Variants in KLHL1 observed in about 807,000 individuals in gnomAD.
The protein encoded by KLHL1 is kelch-like protein 1.
Under a neutral mutation model 77.7 loss-of-function variants are expected in KLHL1, and 47 were observed. The observed-to-expected ratio is 0.60, with a 90% CI of 0.48 to 0.77. KLHL1 has a LOEUF of 0.77. Ranked by LOEUF, KLHL1 falls within the 30% of genes least tolerant of loss-of-function variation. KLHL1 has a pLI of 0.00. For missense variants in KLHL1, 925 were observed against 910.8 expected, an observed-to-expected ratio of 1.02 and a Z score of -0.20; for synonymous variants, 360 against 325.2, an observed-to-expected ratio of 1.11 and a Z score of -1.15.
At chr13:69,931,477 T>G (rs1169310240) in intron 4 of KLHL1, among the ~76,000 whole-genome samples, 1 of 151,784 alleles carries the variant, frequency 6.6e-6, no homozygotes, top group Non-Finnish European at 1.5e-5. Flanking sequence ...AGTACATTGG[T>G]CTGGCTTTGA....
chr13:69,960,802 A>C (rs11619211), intron 3 of KLHL1, among the ~76,000 whole-genome samples: 13,965 of 152,024 alleles, frequency 0.092, 897 homozygotes, highest in Middle Eastern at 0.15. Flanking sequence ...TCAACATAGT[A>C]GATCAGAAAA....
intron 4 of KLHL1, among the ~76,000 whole-genome samples, chr13:69,923,465 C>A (rs74092663): frequency 0.057 from 8,647 of 152,166 alleles, 319 homozygotes; most frequent in African/African-American, 0.092. Context: ...CAGAATACTA[C>A]AGAGTGTCTA....
intron 6 of KLHL1, among the ~76,000 whole-genome samples, chr13:69,837,648 ATATATATATGTGTGTGTG>A (rs1566309013): frequency 1.5e-4 from 20 of 132,084 alleles, no homozygotes; most frequent in African/African-American, 5.5e-4. Flanking sequence ...ATATATGTGT[ATATATATATGTGTGTGTG>A]TGTGTATATA....
intron 5 of KLHL1, among the ~76,000 whole-genome samples, chr13:69,845,474 A>G (rs1384196065): frequency 6.6e-6 from 1 of 151,658 alleles, no homozygotes; most frequent in Non-Finnish European, 1.5e-5. Context: ...TATGCAAAAA[A>G]TTTAGCAGAA....
chr13:70,107,699 TG>T lies in KLHL1; in HGVS notation c.-1del. The T allele has an allele frequency of 6.6e-7, 1 of 1,519,856 alleles. No homozygotes were observed. Among genetic ancestry groups the T allele is most frequent in the Non-Finnish European group, 8.8e-7 (1 of 1,138,680 alleles). 94.1% of individuals were successfully genotyped at this position (1,519,856 alleles called of 1,614,324 possible). A position where few individuals can be genotyped will look rare whatever the true frequency, so the allele number is the denominator to read the frequency against. The stretch of plus-strand genomic sequence containing the variant: ...AAGTCTTTTCGCCCAGAGCCTGACA[TG>T]CTTTACGCACAGAAGGCAAAAGGCT... On this transcript the variant is annotated 5_prime_UTR_variant, in exon 1 of 11. Coordinates refer to ENST00000377844, the MANE Select transcript of KLHL1 (RefSeq NM_020866.3).
chr13:70,078,444 C>T (rs1887314524), intron 1 of KLHL1, among the ~76,000 whole-genome samples: 1 of 151,932 alleles, frequency 6.6e-6, no homozygotes, highest in Non-Finnish European at 1.5e-5. Context: ...ATTTGTATAA[C>T]TTCCAAATTT....
intron 7 of KLHL1, among the ~76,000 whole-genome samples, chr13:69,776,291 T>TAGAAA (rs2137992537): frequency 6.6e-6 from 1 of 152,328 alleles, no homozygotes; most frequent in East Asian, 1.9e-4. Flanking sequence ...TAGAAATATT[T>TAGAAA]ATACACAAAT....
intron 6 of KLHL1, among the ~76,000 whole-genome samples, chr13:69,827,766 C>T (rs80121148): frequency 0.01 from 1,550 of 148,686 alleles, 39 homozygotes; most frequent in African/African-American, 0.037. Flanking sequence ...ATTCTTAGCA[C>T]ATCTCATCAT....
chr13:69,939,414 G>T (rs1883297691), intron 4 of KLHL1, among the ~76,000 whole-genome samples: 1 of 121,576 alleles, frequency 8.2e-6, no homozygotes, highest in Non-Finnish European at 1.7e-5. Flanking sequence ...GGGAATAAAA[G>T]GGAAAAATAT....
At chr13:70,019,549 C>G (rs2137349925) in intron 1 of KLHL1, among the ~76,000 whole-genome samples, 1 of 152,216 alleles carries the variant, frequency 6.6e-6, no homozygotes, top group South Asian at 2.1e-4. Flanking sequence ...ATACTCCATG[C>G]CAGACGATCT....
intron 1 of KLHL1, among the ~76,000 whole-genome samples, chr13:70,105,983 A>C (rs996287439): frequency 2.7e-5 from 4 of 150,556 alleles, no homozygotes; most frequent in Non-Finnish European, 4.4e-5. Context: ...ATTAAAATTA[A>C]AAAATATATA....
At chr13:69,762,346 C>T (rs940064619) in intron 7 of KLHL1, among the ~76,000 whole-genome samples, 2 of 152,154 alleles carry the variant, frequency 1.3e-5, no homozygotes, top group Admixed American at 6.5e-5. Flanking sequence ...ATTGGAAGGC[C>T]TATCCCTAAA....
intron 7 of KLHL1, among the ~76,000 whole-genome samples, chr13:69,775,170 A>G (rs1875765167): frequency 6.6e-6 from 1 of 152,150 alleles, no homozygotes; most frequent in South Asian, 2.1e-4. Flanking sequence ...GTGCCTGTAC[A>G]TGGAGGTGCT....
chr13:69,878,134 T>A (rs1880835759), intron 5 of KLHL1, among the ~76,000 whole-genome samples: 1 of 152,172 alleles, frequency 6.6e-6, no homozygotes, highest in Non-Finnish European at 1.5e-5. Flanking sequence ...TTGTTTTTAC[T>A]CTTTATTCTA....
At chr13:69,883,384 C>T (rs1881073854) in intron 4 of KLHL1, among the ~76,000 whole-genome samples, 1 of 152,124 alleles carries the variant, frequency 6.6e-6, no homozygotes, top group African/African-American at 2.4e-5. Context: ...CTTTTATCAA[C>T]TTTGCTTTTC....
chr13:69,937,268 A>C (rs565739556), intron 4 of KLHL1, among the ~76,000 whole-genome samples: 1 of 152,290 alleles, frequency 6.6e-6, no homozygotes, highest in East Asian at 1.9e-4. Flanking sequence ...TTGAACAGAG[A>C]ATTGCATTAG....
At chr13:69,920,613 T>G (rs1431412783) in intron 4 of KLHL1, among the ~76,000 whole-genome samples, 1 of 152,126 alleles carries the variant, frequency 6.6e-6, no homozygotes, top group African/African-American at 2.4e-5. Context: ...TCACATGTCC[T>G]TAGAAACTGT....
intron 5 of KLHL1, among the ~76,000 whole-genome samples, chr13:69,874,264 G>A (rs962832656): frequency 1.3e-5 from 2 of 151,886 alleles, no homozygotes; most frequent in African/African-American, 4.8e-5. Context: ...GAATCAGTTG[G>A]TACTAATGGA....
At chr13:69,767,927 A>C (rs1875384680) in intron 7 of KLHL1, among the ~76,000 whole-genome samples, 2 of 152,244 alleles carry the variant, frequency 1.3e-5, no homozygotes. Context: ...GTAATATTTT[A>C]ATCAATATCT....
Sources: gnomAD v4.1 joint callset for allele counts (sites outside exome capture counted in the v4.1 genomes callset) on GRCh38, gnomAD v4.1.1 for gene constraint, MANE v1.5 for transcripts, NCBI Gene and HGNC (gene_info 2026-07-23, HGNC 2026-07-21) for gene names.